ABLIM3: variants seen among roughly 807,000 people sequenced by gnomAD.
ABLIM3 encodes the protein actin-binding LIM protein 3.
ABLIM3 carries 61 observed loss-of-function variants against 109.5 expected under a neutral mutation model. The observed-to-expected ratio is 0.56, with a 90% CI of 0.45 to 0.69. The LOEUF (loss-of-function observed/expected upper bound fraction) is 0.69. Ranked by LOEUF, ABLIM3 falls within the 30% of genes least tolerant of loss-of-function variation. The pLI, the probability that ABLIM3 is intolerant of heterozygous loss-of-function variation, is 0.00. For synonymous variants in ABLIM3, 300 were observed against 324.8 expected (o/e 0.92, Z 0.82); for missense variants, 796 against 889.5 (o/e 0.89, Z 1.34).
rs367813606 is a variant in ABLIM3 at position 149,183,545 on chromosome 5, G to C, written c.107G>C (p.Arg36Pro). The C allele has an allele frequency of 6.3e-7, 1 of 1,593,094 alleles. No individual in the cohort carries two copies. The highest frequency in any genetic ancestry group is 8.5e-7 in the Non-Finnish European group (1 of 1,170,534). The change falls in exon 3 of 24, where the codon CGC becomes CCC. Residue 36 changes from arginine to proline, a missense_variant. Arg to Pro is a moderately radical substitution (Grantham distance 103). Transcript: ENST00000309868. Reference sequence around the variant, plus strand: ...GACACCTGCAAAGGGGAAGTGGTCCGCGTGCACAACAACCACTTCCACATC... The same window carrying C: ...GACACCTGCAAAGGGGAAGTGGTCCCCGTGCACAACAACCACTTCCACATC... ...CGDTCKGEVV[R>P]VHNNHFHIRC... is the part of the protein sequence containing the mutation.
chr5:149,192,872 C>T (rs1385614690), intron 3 of ABLIM3, among the ~76,000 whole-genome samples: 1 of 144,982 alleles, frequency 6.9e-6, no homozygotes, highest in East Asian at 1.9e-4. Context: ...GATATAACCA[C>T]CATTTATAGA....
chr5:149,143,039 T>C (rs1419105494), intron 2 of ABLIM3, among the ~76,000 whole-genome samples: 1 of 152,066 alleles, frequency 6.6e-6, no homozygotes, highest in East Asian at 1.9e-4. Context: ...CTCAGACTGC[T>C]CATCTGTATG....
intron 2 of ABLIM3, among the ~76,000 whole-genome samples, chr5:149,181,805 G>C (rs1756478682): frequency 6.6e-6 from 1 of 152,212 alleles, no homozygotes; most frequent in Non-Finnish European, 1.5e-5. Context: ...CCGAGGTTAT[G>C]CTACAGTCTC....
intron 2 of ABLIM3, among the ~76,000 whole-genome samples, chr5:149,179,022 G>T (rs138483312): frequency 1.4e-4 from 22 of 152,286 alleles, no homozygotes; most frequent in African/African-American, 4.1e-4. Context: ...GGAAAAGTCA[G>T]GTGGAGAAAC....
intron 2 of ABLIM3, among the ~76,000 whole-genome samples, chr5:149,179,570 A>G (rs1756278398): frequency 1.3e-5 from 2 of 152,088 alleles, no homozygotes; most frequent in South Asian, 4.1e-4. Context: ...AAAATGAATC[A>G]TTTTAGTCTG....
At chr5:149,224,253 T>C (rs1011994058) in intron 8 of ABLIM3, among the ~76,000 whole-genome samples, 2 of 152,192 alleles carry the variant, frequency 1.3e-5, no homozygotes, top group African/African-American at 4.8e-5. Context: ...CTTTAATTAC[T>C]GTCCCAACTG....
chr5:149,192,222 A>G (rs887654768), intron 3 of ABLIM3, among the ~76,000 whole-genome samples: 4 of 152,130 alleles, frequency 2.6e-5, no homozygotes, highest in African/African-American at 9.7e-5. Flanking sequence ...AAAGGAAAAA[A>G]AAAACCTATT....
chr5:149,235,520 C>G (rs1762259867), intron 10 of ABLIM3, among the ~76,000 whole-genome samples: 1 of 152,108 alleles, frequency 6.6e-6, no homozygotes, highest in Non-Finnish European at 1.5e-5. Flanking sequence ...ACCTGAGGCT[C>G]ATTTATAGCC....
intron 23 of ABLIM3, among the ~76,000 whole-genome samples, chr5:149,256,884 C>G (rs1026402260): frequency 3.3e-5 from 5 of 151,890 alleles, no homozygotes; most frequent in African/African-American, 1.2e-4. Context: ...TGGGGTTGAC[C>G]AAGAGGGGCA....
chr5:149,236,077 C>A (rs1762320848), intron 10 of ABLIM3, among the ~76,000 whole-genome samples: 1 of 152,182 alleles, frequency 6.6e-6, no homozygotes, highest in African/African-American at 2.4e-5. Context: ...CCTCTAGTCT[C>A]TGCTGGTGCA....
intron 3 of ABLIM3, among the ~76,000 whole-genome samples, chr5:149,197,914 G>A (rs1440041124): frequency 6.6e-6 from 1 of 152,186 alleles, no homozygotes; most frequent in Non-Finnish European, 1.5e-5. Context: ...TCAGTCCCAT[G>A]GAGTCTGATT....
At chr5:149,200,855 G>A (rs1312387307) in intron 5 of ABLIM3, among the ~76,000 whole-genome samples, 1 of 152,210 alleles carries the variant, frequency 6.6e-6, no homozygotes, top group Non-Finnish European at 1.5e-5. Flanking sequence ...CACAAGAGCT[G>A]TGTTGGTGCC....
chr5:149,214,007 A>T (rs1242734710), intron 7 of ABLIM3, among the ~76,000 whole-genome samples: 1 of 152,128 alleles, frequency 6.6e-6, no homozygotes, highest in African/African-American at 2.4e-5. Flanking sequence ...GCTCTCAGCC[A>T]CTTGGGGGTC....
chr5:149,239,010 T>C (rs55872285), intron 11 of ABLIM3, among the ~76,000 whole-genome samples: 4,295 of 152,264 alleles, frequency 0.028, 181 homozygotes, highest in African/African-American at 0.096. Flanking sequence ...TCGTATTCTC[T>C]CTCTGGGCCT....
chr5:149,166,408 G>A (rs1403343818), intron 2 of ABLIM3, among the ~76,000 whole-genome samples: 1 of 152,214 alleles, frequency 6.6e-6, no homozygotes, highest in Non-Finnish European at 1.5e-5. Context: ...ACTACCTAGA[G>A]AAGCAGTTAT....
chr5:149,177,221 C>T (rs1343192514), intron 2 of ABLIM3: 1 of 152,184 alleles, frequency 6.6e-6, no homozygotes, highest in Non-Finnish European at 1.5e-5. Flanking sequence ...GCCTCCCAGG[C>T]CCTTTCTGCT....
At chr5:149,249,757 T>C in intron 18 of ABLIM3, 58 bp from the exon 19 acceptor site, 10 of 1,607,586 alleles carry the variant, frequency 6.2e-6, no homozygotes, top group Non-Finnish European at 7.7e-6. Context: ...CCATGAATTG[T>C]CTTCACCATG....
chr5:149,154,756 T>G (rs7711242), intron 2 of ABLIM3, among the ~76,000 whole-genome samples: 1 of 152,222 alleles, frequency 6.6e-6, no homozygotes, highest in Non-Finnish European at 1.5e-5. Context: ...AGCCACATGA[T>G]GATTGTGTGA....
intron 7 of ABLIM3, among the ~76,000 whole-genome samples, chr5:149,214,597 C>A (rs1418146944): frequency 6.6e-6 from 1 of 152,190 alleles, no homozygotes; most frequent in African/African-American, 2.4e-5. Context: ...AGGCTTGGGA[C>A]TGTTTCTGGA....
Sources: allele counts gnomAD v4.1 joint callset (sites outside exome capture counted in the v4.1 genomes callset), GRCh38; gene constraint gnomAD v4.1.1; transcripts MANE v1.5; gene names NCBI Gene and HGNC (gene_info 2026-07-23, HGNC 2026-07-21).